The following C1QTNF3 variants were observed in gnomAD, a reference collection of about 807,000 sequenced individuals.
C1QTNF3 encodes the protein complement C1q tumor necrosis factor-related protein 3.
C1QTNF3 carries 26 observed loss-of-function variants against 32.6 expected under a neutral mutation model. That is an observed-to-expected ratio of 0.80 (90% CI 0.58 to 1.11). The LOEUF (loss-of-function observed/expected upper bound fraction) is 1.11, where lower values mean the gene tolerates loss of function less well. C1QTNF3 is among the 50% of genes least tolerant of loss of function. C1QTNF3 has a pLI of 0.00. For missense variants in C1QTNF3, 362 were observed against 398.2 expected, an observed-to-expected ratio of 0.91 and a Z score of 0.77; for synonymous variants, 155 against 146.0, an observed-to-expected ratio of 1.06 and a Z score of -0.44.
the C1QTNF3 span, among the ~76,000 whole-genome samples, chr5:34,069,589 A>C: frequency 1.3e-5 from 2 of 152,208 alleles, no homozygotes; most frequent in Non-Finnish European, 2.9e-5. Context: ...GTTAAGTAAT[A>C]GTTTAAAATA....
the C1QTNF3 span, among the ~76,000 whole-genome samples, chr5:34,084,650 G>C: frequency 2.0e-5 from 3 of 150,844 alleles, no homozygotes; most frequent in Admixed American, 2.0e-4. Context: ...TCTGGCTGCT[G>C]CTTTTACTGA....
At chr5:34,053,323 G>A in the C1QTNF3 span, among the ~76,000 whole-genome samples, 1 of 152,150 alleles carries the variant, frequency 6.6e-6, no homozygotes, top group Admixed American at 6.5e-5. Context: ...ATCTGGGGTT[G>A]GCATCCCAAA....
chr5:34,230,608 A>T, the C1QTNF3 span, among the ~76,000 whole-genome samples: 2 of 152,324 alleles, frequency 1.3e-5, no homozygotes, highest in African/African-American at 4.8e-5. Context: ...GCATAAAACA[A>T]TATTAAAATT....
At chr5:34,135,703 A>C in the C1QTNF3 span, among the ~76,000 whole-genome samples, 1 of 148,316 alleles carries the variant, frequency 6.7e-6, no homozygotes, top group South Asian at 2.2e-4. Context: ...CAAAAAACAA[A>C]GCTGGAGGCA....
At chr5:34,228,959 GTTTTT>G in the C1QTNF3 span, among the ~76,000 whole-genome samples, 15 of 143,276 alleles carry the variant, frequency 1.0e-4, 1 homozygote, top group Middle Eastern at 3.6e-3. Flanking sequence ...GCCAATTAGA[GTTTTT>G]TTTTTTTTAA....
the C1QTNF3 span, among the ~76,000 whole-genome samples, chr5:34,237,540 T>C: frequency 6.6e-6 from 1 of 152,150 alleles, no homozygotes; most frequent in African/African-American, 2.4e-5. Flanking sequence ...ACAAAGTCTA[T>C]CAAAGAGGTT....
At chr5:34,040,347 G>C (rs1223521252) in intron 1 of C1QTNF3, among the ~76,000 whole-genome samples, 1 of 152,120 alleles carries the variant, frequency 6.6e-6, no homozygotes, top group Non-Finnish European at 1.5e-5. Context: ...CTACTAGTAA[G>C]TGACTTCTAG....
rs200956463 is a variant in C1QTNF3, at chr5:34,032,763, TCCAG to T, written c.570+537_570+540del. ...GTGAGCCAAGATCGTGCCACTGTAC[TCCAG>T]CCTGGACAACAGAGCAAGACTCTGT... On this transcript the variant is annotated intron_variant, in intron 3 of 5. Coordinates refer to ENST00000382065, the MANE Select transcript of C1QTNF3 (RefSeq NM_181435.6). 4.1e-4 allele frequency among the ~76,000 whole-genome samples: 62 copies of T among 152,188 alleles called. 1 individual carries two copies. In the East Asian group the frequency reaches 0.011, roughly 27 times the overall value.
the C1QTNF3 span, among the ~76,000 whole-genome samples, chr5:34,174,808 C>T: frequency 1.3e-5 from 2 of 152,054 alleles, no homozygotes; most frequent in East Asian, 1.9e-4. Context: ...GGCACAATCT[C>T]GGCTCACTGC....
chr5:34,092,741 G>A, the C1QTNF3 span, among the ~76,000 whole-genome samples: 2 of 151,876 alleles, frequency 1.3e-5, no homozygotes, highest in African/African-American at 4.8e-5. Flanking sequence ...TGCTTCCAGA[G>A]TATTTCCCCA....
rs769608861 is a variant in C1QTNF3 at position 34,023,900 on chromosome 5, AC to A, written c.800+8del. The A allele has an allele frequency of 2.5e-6, 4 of 1,611,328 alleles. No individual in the cohort carries two copies. The African/African-American group carries it at 4.0e-5, about 16-fold the overall frequency. On this transcript the variant is annotated splice_region_variant and intron_variant, in intron 5 of 5. Coordinates refer to ENST00000382065, the MANE Select transcript of C1QTNF3 (RefSeq NM_181435.6). Reference sequence around the variant, plus strand: ...ATGGATGAGACCCATGACAGAAAAGACCACCCACCTGTACATGCTGAAGACT... The same window carrying A: ...ATGGATGAGACCCATGACAGAAAAGACACCCACCTGTACATGCTGAAGACT...
chr5:34,232,666 T>C, the C1QTNF3 span, among the ~76,000 whole-genome samples: 10 of 151,216 alleles, frequency 6.6e-5, no homozygotes, highest in Admixed American at 5.9e-4. Context: ...CCTTCCACCA[T>C]GATTTTCTGA....
chr5:34,036,005 G>A (rs992110353), intron 1 of C1QTNF3, among the ~76,000 whole-genome samples: 1 of 152,048 alleles, frequency 6.6e-6, no homozygotes, highest in African/African-American at 2.4e-5. Context: ...AAAGCGTGTG[G>A]GTGGGGGTGG....
the C1QTNF3 span, among the ~76,000 whole-genome samples, chr5:34,205,007 AG>A: frequency 7.5e-6 from 1 of 132,468 alleles, no homozygotes; most frequent in East Asian, 2.1e-4. Context: ...AACTTCAGTG[AG>A]GGACTTAAGG....
the C1QTNF3 span, among the ~76,000 whole-genome samples, chr5:34,215,595 A>C: frequency 6.6e-6 from 1 of 152,040 alleles, no homozygotes; most frequent in African/African-American, 2.4e-5. Flanking sequence ...ATCAACATAA[A>C]ACAACCTTAA....
At chr5:34,148,029 C>T in the C1QTNF3 span, among the ~76,000 whole-genome samples, 1 of 152,064 alleles carries the variant, frequency 6.6e-6, no homozygotes, top group Non-Finnish European at 1.5e-5. Flanking sequence ...CAGGGCAAGG[C>T]ATTGCCTCAC....
the C1QTNF3 span, among the ~76,000 whole-genome samples, chr5:34,048,289 T>TGAGAGAGAGAGAGAGA: frequency 3.6e-3 from 504 of 141,152 alleles, 3 homozygotes; most frequent in African/African-American, 4.6e-3. Flanking sequence ...TGTGTGTGCA[T>TGAGAGAGAGAGAGAGA]GAGAGAGAGA....
the C1QTNF3 span, among the ~76,000 whole-genome samples, chr5:34,073,284 G>A: frequency 5.3e-5 from 8 of 150,358 alleles, no homozygotes; most frequent in African/African-American, 1.7e-4. Flanking sequence ...CCGAGATCGC[G>A]CCACTGCACT....
chr5:34,056,131 C>T, the C1QTNF3 span, among the ~76,000 whole-genome samples: 1 of 152,022 alleles, frequency 6.6e-6, no homozygotes. Context: ...ATTACTTTCG[C>T]AGAAAAGGTC....
Sources: gnomAD v4.1 joint callset for allele counts (sites outside exome capture counted in the v4.1 genomes callset) on GRCh38, gnomAD v4.1.1 for gene constraint, MANE v1.5 for transcripts, NCBI Gene and HGNC (gene_info 2026-07-23, HGNC 2026-07-21) for gene names.